Variants in WWOX observed in about 807,000 individuals in gnomAD.
WWOX encodes WW domain-containing oxidoreductase.
WWOX carries 69 observed loss-of-function variants against 46.2 expected under a neutral mutation model. The ratio of observed to expected loss-of-function variants is 1.49; its 90% confidence interval spans 1.23 to 1.82. WWOX has a LOEUF of 1.82. Among genes scored for constraint, WWOX ranks in the 40% most tolerant of loss-of-function variants. WWOX has a pLI of 0.00. For missense variants in WWOX, 919 were observed against 542.6 expected, an observed-to-expected ratio of 1.69 and a Z score of -6.89; for synonymous variants, 359 against 202.6, an observed-to-expected ratio of 1.77 and a Z score of -6.56.
chr16:79,204,770 G>A (rs1293913448), intron 8 of WWOX: 1 of 152,138 alleles, frequency 6.6e-6, no homozygotes, highest in Admixed American at 6.5e-5. Flanking sequence ...GGGTGGTTGG[G>A]ACTGGCTGCC....
chr16:78,545,257 C>T (rs2044000479), intron 8 of WWOX, among the ~76,000 whole-genome samples: 1 of 152,124 alleles, frequency 6.6e-6, no homozygotes, highest in South Asian at 2.1e-4. Context: ...GAATGTCCAG[C>T]CCCAACTCAG....
At chr16:79,164,053 G>A (rs574188876) in intron 8 of WWOX, among the ~76,000 whole-genome samples, 8 of 152,318 alleles carry the variant, frequency 5.3e-5, no homozygotes, top group East Asian at 1.9e-4. Flanking sequence ...ATAGGCAGGC[G>A]TGATCGCGTT....
intron 8 of WWOX, among the ~76,000 whole-genome samples, chr16:79,080,118 C>G (rs1360340858): frequency 6.6e-6 from 1 of 152,092 alleles, no homozygotes; most frequent in Non-Finnish European, 1.5e-5. Flanking sequence ...TTCAATCTAA[C>G]TTAGGAAAAA....
At chr16:78,798,457 T>C (rs2050800652) in intron 8 of WWOX, among the ~76,000 whole-genome samples, 1 of 152,184 alleles carries the variant, frequency 6.6e-6, no homozygotes, top group African/African-American at 2.4e-5. Flanking sequence ...AATATGCCGC[T>C]TTTTTGTTAT....
intron 8 of WWOX, among the ~76,000 whole-genome samples, chr16:78,672,742 C>A (rs2047497222): frequency 6.6e-6 from 1 of 152,168 alleles, no homozygotes; most frequent in Admixed American, 6.5e-5. Context: ...TCTGCAGCCC[C>A]CCATTTTAGG....
At chr16:78,250,042 C>T (rs1264979084) in intron 5 of WWOX, among the ~76,000 whole-genome samples, 1 of 152,198 alleles carries the variant, frequency 6.6e-6, no homozygotes, top group African/African-American at 2.4e-5. Flanking sequence ...ATTACCTTCA[C>T]CTGGAGGGAC....
chr16:78,145,945 G>C (rs71396155), intron 4 of WWOX: 2 of 152,194 alleles, frequency 1.3e-5, no homozygotes, highest in African/African-American at 2.4e-5. Flanking sequence ...TAAGATTCCT[G>C]ATCTGTTTCT....
chr16:78,615,391 G>A (rs527501115), intron 8 of WWOX, among the ~76,000 whole-genome samples: 2 of 152,270 alleles, frequency 1.3e-5, no homozygotes, highest in East Asian at 1.9e-4. Context: ...CCTCACACCT[G>A]TAATTTCAAC....
chr16:78,919,150 C>G (rs1297352021), intron 8 of WWOX, among the ~76,000 whole-genome samples: 1 of 152,104 alleles, frequency 6.6e-6, no homozygotes, highest in Non-Finnish European at 1.5e-5. Context: ...ACCGCAATAA[C>G]CAACATACTT....
chr16:78,748,785 C>T (rs116136049), intron 8 of WWOX, among the ~76,000 whole-genome samples: 1,572 of 152,306 alleles, frequency 0.01, 28 homozygotes, highest in African/African-American at 0.036. Flanking sequence ...CATCTGCATG[C>T]GTCTTGCCCT....
chr16:78,545,426 C>A (rs80100182), intron 8 of WWOX, among the ~76,000 whole-genome samples: 1 of 152,070 alleles, frequency 6.6e-6, no homozygotes, highest in Non-Finnish European at 1.5e-5. Flanking sequence ...TTATGTTGCC[C>A]AGGTTGGCCT....
At chr16:78,737,084 C>G (rs1006956875) in intron 8 of WWOX, among the ~76,000 whole-genome samples, 5 of 151,616 alleles carry the variant, frequency 3.3e-5, no homozygotes, top group South Asian at 2.1e-4. Flanking sequence ...GCTCATCTGT[C>G]TTTATTTTTG....
intron 8 of WWOX, among the ~76,000 whole-genome samples, chr16:78,882,322 G>C (rs1315883276): frequency 6.6e-6 from 1 of 152,174 alleles, no homozygotes; most frequent in Non-Finnish European, 1.5e-5. Flanking sequence ...CTGGAAAACA[G>C]GTTCAGAGAA....
chr16:78,425,263 A>G (rs1339729444), intron 7 of WWOX, among the ~76,000 whole-genome samples: 1 of 152,064 alleles, frequency 6.6e-6, no homozygotes, highest in East Asian at 1.9e-4. Context: ...AGCAAGGAAG[A>G]TTGTTTTTAC....
intron 7 of WWOX, among the ~76,000 whole-genome samples, chr16:78,430,978 T>C (rs1260042312): frequency 6.6e-6 from 1 of 152,234 alleles, no homozygotes; most frequent in Non-Finnish European, 1.5e-5. Flanking sequence ...AGCAGTTATC[T>C]AGAGGATTCC....
At chr16:79,131,710 G>A (rs1025352139) in intron 8 of WWOX, among the ~76,000 whole-genome samples, 2 of 152,110 alleles carry the variant, frequency 1.3e-5, no homozygotes, top group African/African-American at 2.4e-5. Context: ...ACAGGACATG[G>A]GTGATCAAGC....
intron 8 of WWOX, among the ~76,000 whole-genome samples, chr16:79,091,219 C>T (rs1406309216): frequency 1.3e-5 from 2 of 152,152 alleles, no homozygotes; most frequent in Non-Finnish European, 2.9e-5. Context: ...ACAAAACAAA[C>T]AATGTGAACA....
At chr16:78,390,175 T>G (rs906645372) in intron 6 of WWOX, among the ~76,000 whole-genome samples, 2 of 152,248 alleles carry the variant, frequency 1.3e-5, no homozygotes, top group African/African-American at 4.8e-5. Context: ...TCATAGCATG[T>G]GAGATCTCAC....
intron 8 of WWOX, among the ~76,000 whole-genome samples, chr16:79,116,901 A>T (rs1285652658): frequency 6.6e-6 from 1 of 152,136 alleles, no homozygotes; most frequent in Admixed American, 6.5e-5. Context: ...TTCTTTAATA[A>T]TAATACTTGA....
Sources: gnomAD v4.1 joint callset for allele counts (sites outside exome capture counted in the v4.1 genomes callset) on GRCh38, gnomAD v4.1.1 for gene constraint, MANE v1.5 for transcripts, NCBI Gene and HGNC (gene_info 2026-07-23, HGNC 2026-07-21) for gene names.